Variants in CPE observed in about 807,000 individuals in gnomAD.
The protein encoded by CPE is carbocypeptidase E.
CPE carries 17 observed loss-of-function variants against 53.5 expected under a neutral mutation model. The ratio of observed to expected loss-of-function variants is 0.32; its 90% CI spans 0.22 to 0.48. The LOEUF (loss-of-function observed/expected upper bound fraction) is 0.48, where lower values mean the gene tolerates loss of function less well. Among genes scored for constraint, CPE ranks in the 20% least tolerant of loss-of-function variants. The pLI is 0.99. For missense variants in CPE, 524 were observed against 614.7 expected (o/e 0.85, Z 1.56); for synonymous variants, 226 against 228.8 (o/e 0.99, Z 0.11).
intron 1 of CPE, among the ~76,000 whole-genome samples, chr4:165,445,132 T>C (rs1275136305): frequency 6.6e-6 from 1 of 152,110 alleles, no homozygotes; most frequent in Non-Finnish European, 1.5e-5. Flanking sequence ...AATTTTTGTA[T>C]TTTTATAGAC....
chr4:165,398,793 T>A (rs1377393788), intron 1 of CPE, among the ~76,000 whole-genome samples: 1 of 152,228 alleles, frequency 6.6e-6, no homozygotes, highest in Non-Finnish European at 1.5e-5. Flanking sequence ...GGCATTAATA[T>A]GTTGCCTCCT....
At chr4:165,487,352 A>G (rs185663452) in intron 5 of CPE, 86 bp from the exon 6 acceptor site, 7 of 1,551,720 alleles carry the variant, frequency 4.5e-6, no homozygotes, top group Non-Finnish European at 6.1e-6. Flanking sequence ...TGTACCTTTT[A>G]CTTGGTTCTT....
intron 1 of CPE, among the ~76,000 whole-genome samples, chr4:165,457,568 A>T (rs1039865968): frequency 3.9e-5 from 6 of 152,258 alleles, no homozygotes; most frequent in African/African-American, 1.4e-4. Context: ...CTTTGAAATT[A>T]TATTAAAAGC....
chr4:165,431,459 A>G (rs1167176443), intron 1 of CPE, among the ~76,000 whole-genome samples: 1 of 152,202 alleles, frequency 6.6e-6, no homozygotes, highest in Non-Finnish European at 1.5e-5. Context: ...TGTTTAGGGC[A>G]CTAGGCCAGG....
chr4:165,470,805 T>G (rs1257337356), intron 3 of CPE, among the ~76,000 whole-genome samples: 1 of 152,102 alleles, frequency 6.6e-6, no homozygotes, highest in Non-Finnish European at 1.5e-5. Flanking sequence ...TTCCTACTGA[T>G]AGAGGGGTGG....
intron 1 of CPE, among the ~76,000 whole-genome samples, chr4:165,440,112 ATG>A (rs1250972673): frequency 6.6e-6 from 1 of 152,048 alleles, no homozygotes; most frequent in African/African-American, 2.4e-5. Context: ...AACATTGTGC[ATG>A]TGTGTGTGTT....
chr4:165,449,760 G>T (rs1313684458), intron 1 of CPE, among the ~76,000 whole-genome samples: 12 of 151,132 alleles, frequency 7.9e-5, no homozygotes, highest in Non-Finnish European at 3.0e-5. Context: ...TTTTTTCTGG[G>T]TTTGGGGCAC....
At chr4:165,433,848 A>T (rs140032427) in intron 1 of CPE, among the ~76,000 whole-genome samples, 2 of 152,302 alleles carry the variant, frequency 1.3e-5, no homozygotes, top group East Asian at 3.9e-4. Flanking sequence ...AAGGACATGC[A>T]TTCACAATGT....
chr4:165,475,658 G>A (rs1487742262), intron 3 of CPE, among the ~76,000 whole-genome samples: 1 of 152,206 alleles, frequency 6.6e-6, no homozygotes, highest in African/African-American at 2.4e-5. Context: ...AATAGGCAGT[G>A]GTTTTGGGGA....
At chr4:165,411,312 C>A (rs1731039095) in intron 1 of CPE, among the ~76,000 whole-genome samples, 1 of 152,084 alleles carries the variant, frequency 6.6e-6, no homozygotes, top group Admixed American at 6.5e-5. Context: ...ACAACTTTTT[C>A]TTTTTCAATC....
chr4:165,402,088 A>G (rs1238730744), intron 1 of CPE, among the ~76,000 whole-genome samples: 1 of 152,212 alleles, frequency 6.6e-6, no homozygotes, highest in Non-Finnish European at 1.5e-5. Context: ...ATTTCCATCA[A>G]AAATATATAT....
At chr4:165,466,603 G>A (rs950609092) in intron 2 of CPE, among the ~76,000 whole-genome samples, 1 of 151,632 alleles carries the variant, frequency 6.6e-6, no homozygotes, top group Non-Finnish European at 1.5e-5. Context: ...TGCACACTCC[G>A]ACTCCCTGGT....
intron 3 of CPE, among the ~76,000 whole-genome samples, chr4:165,468,660 C>A (rs1732149007): frequency 2.0e-5 from 3 of 152,146 alleles, no homozygotes; most frequent in Admixed American, 2.0e-4. Flanking sequence ...CCTTCTTCTG[C>A]AAACTCATTC....
At chr4:165,457,096 GT>G (rs980143955) in intron 1 of CPE, among the ~76,000 whole-genome samples, 25 of 152,240 alleles carry the variant, frequency 1.6e-4, no homozygotes, top group Non-Finnish European at 3.1e-4. Context: ...TTAGACCTCA[GT>G]TTCCCCTTTT....
At chr4:165,385,243 T>G (rs1221839802) in intron 1 of CPE, among the ~76,000 whole-genome samples, 1 of 152,138 alleles carries the variant, frequency 6.6e-6, no homozygotes, top group Non-Finnish European at 1.5e-5. Context: ...TTTTTTACTT[T>G]CAGTTGGTCT....
At chr4:165,436,792 A>T (rs150695440) in intron 1 of CPE, among the ~76,000 whole-genome samples, 1 of 152,172 alleles carries the variant, frequency 6.6e-6, no homozygotes, top group Non-Finnish European at 1.5e-5. Flanking sequence ...GCATGTGCCA[A>T]TGTGCCTAAC....
At chr4:165,481,017 T>TA (rs1553978734) in intron 3 of CPE, among the ~76,000 whole-genome samples, 1,942 of 41,890 alleles carry the variant, frequency 0.046, 20 homozygotes, top group South Asian at 0.09. Context: ...TATATATATA[T>TA]TTTTTTTTTT....
chr4:165,491,149 A>C lies in CPE; in HGVS notation c.1114-2022A>C, dbSNP rs1732596969. ...CTATTTGTTAAACTGCATATTGCAC[A>C]TATTGCAATATAAGTCTTGGATTGC... On this transcript the variant is annotated intron_variant, in intron 6 of 8. Coordinates refer to ENST00000402744, the MANE Select transcript of CPE (RefSeq NM_001873.4). 2.0e-5 allele frequency among the ~76,000 whole-genome samples: 3 copies of C among 152,362 alleles called. No individual in the cohort carries two copies. In the South Asian group the frequency reaches 6.2e-4, roughly 32 times the overall value.
At chr4:165,392,060 A>G (rs1560867707) in intron 1 of CPE, among the ~76,000 whole-genome samples, 1 of 151,736 alleles carries the variant, frequency 6.6e-6, no homozygotes, top group Non-Finnish European at 1.5e-5. Context: ...AACATGTGAA[A>G]TTTTCATCTA....
Sources: allele counts gnomAD v4.1 joint callset (sites outside exome capture counted in the v4.1 genomes callset), GRCh38; gene constraint gnomAD v4.1.1; transcripts MANE v1.5; gene names NCBI Gene and HGNC (gene_info 2026-07-23, HGNC 2026-07-21).